The following SORCS2 variants were observed in gnomAD, a reference collection of about 807,000 sequenced individuals.
SORCS2 encodes VPS10 domain-containing receptor SorCS2.
SORCS2 carries 100 observed loss-of-function variants against 141.6 expected under a neutral mutation model. That is an observed-to-expected ratio of 0.71 (90% CI 0.60 to 0.83). The LOEUF is 0.83. SORCS2 is among the 40% of genes least tolerant of loss of function. SORCS2 has a pLI of 0.00. For missense variants in SORCS2, 1,646 were observed against 1,560.2 expected, an observed-to-expected ratio of 1.05 and a Z score of -0.93; for synonymous variants, 789 against 676.9, an observed-to-expected ratio of 1.17 and a Z score of -2.57.
chr4:7,512,594 C>T (rs1417438126), intron 2 of SORCS2, among the ~76,000 whole-genome samples: 2 of 152,196 alleles, frequency 1.3e-5, no homozygotes, highest in African/African-American at 4.8e-5. Flanking sequence ...CCCCAGACTC[C>T]ATCCTTAACC....
chr4:7,263,842 A>G (rs1714532174), intron 1 of SORCS2, among the ~76,000 whole-genome samples: 1 of 152,204 alleles, frequency 6.6e-6, no homozygotes, highest in African/African-American at 2.4e-5. Context: ...CGACGTGGAC[A>G]CTGGTTCATC....
chr4:7,655,202 T>TACACACACACACACACAC (rs144046004), intron 5 of SORCS2, among the ~76,000 whole-genome samples: 1,776 of 148,954 alleles, frequency 0.012, 40 homozygotes, highest in African/African-American at 0.041. Flanking sequence ...CTTGTGCGTG[T>TACACACACACACACACAC]ACACACACAC....
Position 7,316,083 on chromosome 4 carries a change from C to T in SORCS2, c.481-80205C>T, listed in dbSNP as rs367877509. Among the ~76,000 whole-genome samples, 224 of 152,164 alleles carry T rather than the reference C, an allele frequency of 1.5e-3. 5 individuals carry two copies. The South Asian group carries it at 0.046, about 31-fold the overall frequency. ...CCTTCCATCCATCTGTGCATCTGTC[C>T]ATCCATCTATCCATCCATCCTTTTT... is the stretch of plus-strand genomic sequence containing the variant. On this transcript the variant is annotated intron_variant, in intron 1 of 26. Transcript: ENST00000507866.
intron 2 of SORCS2, among the ~76,000 whole-genome samples, chr4:7,475,823 C>T (rs542010675): frequency 1.3e-5 from 2 of 152,364 alleles, no homozygotes; most frequent in South Asian, 4.1e-4. Context: ...GTGACAGACT[C>T]AAAGTCAGAG....
At chr4:7,451,022 G>T (rs961954997) in intron 2 of SORCS2, among the ~76,000 whole-genome samples, 3 of 151,618 alleles carry the variant, frequency 2.0e-5, no homozygotes, top group African/African-American at 7.3e-5. Flanking sequence ...ATGAGGAAGT[G>T]AGGGAATGAG....
intron 4 of SORCS2, among the ~76,000 whole-genome samples, chr4:7,653,489 C>T (rs1018075992): frequency 1.3e-5 from 2 of 152,168 alleles, no homozygotes; most frequent in African/African-American, 4.8e-5. Flanking sequence ...GTGATCCGCC[C>T]GCCTCGACCT....
At chr4:7,316,827 A>G (rs1718591648) in intron 1 of SORCS2, among the ~76,000 whole-genome samples, 1 of 152,210 alleles carries the variant, frequency 6.6e-6, no homozygotes, top group Non-Finnish European at 1.5e-5. Flanking sequence ...GGCTAGAGGC[A>G]TGTTGCCACC....
chr4:7,283,047 TCATTCATTCACC>T (rs1384467095), intron 1 of SORCS2, among the ~76,000 whole-genome samples: 3 of 152,288 alleles, frequency 2.0e-5, no homozygotes, highest in East Asian at 1.9e-4. Context: ...ATTCATTCAC[TCATTCATTCACC>T]CATTCATTCA....
At chr4:7,647,969 G>C (rs1230582779) in intron 4 of SORCS2, among the ~76,000 whole-genome samples, 13 of 152,244 alleles carry the variant, frequency 8.5e-5, no homozygotes, top group Admixed American at 7.2e-4. Flanking sequence ...GCGGTAGCTT[G>C]CATAGTGTCT....
chr4:7,445,315 G>C (rs975966456), intron 2 of SORCS2, among the ~76,000 whole-genome samples: 1 of 152,178 alleles, frequency 6.6e-6, no homozygotes, highest in African/African-American at 2.4e-5. Flanking sequence ...TCTGAGGTTG[G>C]GGACATCCAG....
intron 1 of SORCS2, among the ~76,000 whole-genome samples, chr4:7,339,265 C>CA (rs1347250540): frequency 5.9e-5 from 9 of 152,316 alleles, no homozygotes; most frequent in African/African-American, 1.9e-4. Context: ...ATCTGTGGGA[C>CA]AGGAGGCACC....
intron 24 of SORCS2, 42 bp downstream of exon 24, chr4:7,733,463 C>A (rs770748455): frequency 3.4e-6 from 5 of 1,477,924 alleles, no homozygotes; most frequent in Non-Finnish European, 3.7e-6. Flanking sequence ...GTGGAGGAGG[C>A]ATCCGGGCCC....
chr4:7,480,972 G>A (rs1730592829), intron 2 of SORCS2, among the ~76,000 whole-genome samples: 1 of 152,246 alleles, frequency 6.6e-6, no homozygotes, highest in African/African-American at 2.4e-5. Context: ...GGCCTGTGAG[G>A]TGACAGGAGA....
chr4:7,656,873 G>A (rs1721812982), intron 5 of SORCS2, among the ~76,000 whole-genome samples: 2 of 152,202 alleles, frequency 1.3e-5, no homozygotes, highest in Admixed American at 6.5e-5. Flanking sequence ...CACTGGAGCT[G>A]CCCTCAGCAC....
chr4:7,669,381 G>C (rs1722670209), intron 8 of SORCS2, among the ~76,000 whole-genome samples: 1 of 152,246 alleles, frequency 6.6e-6, no homozygotes, highest in East Asian at 1.9e-4. Flanking sequence ...GGGCAAGCTG[G>C]GCTGCTGTCA....
At chr4:7,241,578 C>T (rs564076710) in intron 1 of SORCS2, among the ~76,000 whole-genome samples, 1 of 152,254 alleles carries the variant, frequency 6.6e-6, no homozygotes, top group South Asian at 2.1e-4. Flanking sequence ...TGATGCCCCT[C>T]CCTGCCCTTC....
chr4:7,542,796 C>T (rs145746899), intron 3 of SORCS2, among the ~76,000 whole-genome samples: 41 of 152,362 alleles, frequency 2.7e-4, no homozygotes, highest in African/African-American at 9.6e-4. Context: ...CCAAGGCTCA[C>T]AGGGGCTGAG....
In SORCS2 at chr4:7,617,975, A is replaced by C. The variant is rs140692985; in HGVS notation, c.649-20353A>C. Among the ~76,000 whole-genome samples, 381 of 151,930 alleles carry C rather than the reference A, an allele frequency of 2.5e-3. 2 individuals carry two copies. The highest frequency in any genetic ancestry group is 8.7e-3 in the African/African-American group (359 of 41,408). On this transcript the variant is annotated intron_variant, in intron 3 of 26. Coordinates refer to ENST00000507866, the MANE Select transcript of SORCS2 (RefSeq NM_020777.3). ...TCCCTCCGTTTTTCCCTCTTCCTCC[A>C]TGACCCTACCCAATGTCATGGCTTC... is the stretch of plus-strand genomic sequence containing the variant.
At chr4:7,316,801 T>C (rs1560187392) in intron 1 of SORCS2, among the ~76,000 whole-genome samples, 1 of 152,202 alleles carries the variant, frequency 6.6e-6, no homozygotes, top group Non-Finnish European at 1.5e-5. Flanking sequence ...CACTCCCCCG[T>C]GGAGGAATCA....
Sources: allele counts gnomAD v4.1 joint callset (sites outside exome capture counted in the v4.1 genomes callset), GRCh38; gene constraint gnomAD v4.1.1; transcripts MANE v1.5; gene names NCBI Gene and HGNC (gene_info 2026-07-23, HGNC 2026-07-21).